Variants in MTRR observed in about 807,000 individuals in gnomAD.
The protein encoded by MTRR is 5-methyltetrahydrofolate-homocysteine methyltransferase reductase.
In MTRR, 63 loss-of-function variants were observed where a neutral mutation model predicts 79.2. That is an observed-to-expected ratio of 0.80 (90% CI 0.65 to 0.98). The LOEUF is 0.98. Ranked by LOEUF, MTRR falls within the 50% of genes least tolerant of loss-of-function variation. The probability of loss-of-function intolerance (pLI) is 0.00; values close to 1 mark genes in which losing one functional copy is unlikely to be tolerated. For missense variants in MTRR, 895 were observed against 839.6 expected, an observed-to-expected ratio of 1.07 and a Z score of -0.82; for synonymous variants, 355 against 313.3, an observed-to-expected ratio of 1.13 and a Z score of -1.41.
At chr5:7,890,276 G>A (rs1020065820) in intron 9 of MTRR, 2 of 985,104 alleles carry the variant, frequency 2.0e-6, no homozygotes, top group Non-Finnish European at 2.4e-6. Context: ...TTTCCACTTA[G>A]GACCTCCCCA....
chr5:7,887,537 A>AATATATGTATATTTATATATATATAGAT (rs1736688053), intron 8 of MTRR, among the ~76,000 whole-genome samples: 12 of 143,654 alleles, frequency 8.4e-5, no homozygotes, highest in African/African-American at 3.0e-4. Flanking sequence ...TCTCTAAATA[A>AATATATGTATATTTATATATATATAGAT]ATATATGTAT....
intron 5 of MTRR, 94 bp downstream of exon 5, chr5:7,878,416 C>T: frequency 6.6e-7 from 1 of 1,508,658 alleles, no homozygotes; most frequent in South Asian, 1.1e-5. Flanking sequence ...GAGAGGTCAA[C>T]AAACTATGGC....
chr5:7,895,699 C>T lies in MTRR; in HGVS notation c.1558-35C>T, dbSNP rs774468515. ...GATTATATACTCTTGCCTAGGTTTT[C>T]TTTCATACTTACCACATTTGATGTA... On this transcript the variant is annotated intron_variant, in intron 11 of 14. Coordinates refer to ENST00000440940, the MANE Select transcript of MTRR (RefSeq NM_002454.3). The T allele has an allele frequency of 3.1e-6, 5 of 1,612,822 alleles. No individual in the cohort carries two copies. In the Admixed American group the frequency reaches 5.0e-5, roughly 16 times the overall value.
At chr5:7,890,531 T>A in intron 9 of MTRR, 1 of 440,698 alleles carries the variant, frequency 2.3e-6, no homozygotes, top group Non-Finnish European at 3.0e-6. Flanking sequence ...AATACCACAT[T>A]ACGTAGTTAT....
At chr5:7,869,378 C>CTTGGCCT (rs931755132) in intron 1 of MTRR, 163 bp downstream of exon 1, 111 of 746,396 alleles carry the variant, frequency 1.5e-4, no homozygotes, top group Non-Finnish European at 1.9e-4. Flanking sequence ...GGGGCTCGGA[C>CTTGGCCT]TTGGCCTTTG....
Position 7,889,214 on chromosome 5 carries a change from C to T in MTRR, c.1266C>T (p.Ala422=), listed in dbSNP as rs981600908. 21 of 1,613,570 alleles carry T rather than the reference C, an allele frequency of 1.3e-5. No homozygotes were observed. The highest frequency in any genetic ancestry group is 1.7e-5 in the Non-Finnish European group (20 of 1,180,044). ...GCCGCTTTGTACGAGATGCCTGTGC[C>T]TGCTTGTTGGATCTCCTCCTCGCTT... is the stretch of plus-strand genomic sequence containing the variant. ...DYSRFVRDAC[A]CLLDLLLAFP... Residue 422 remains alanine (A), a synonymous_variant, in exon 9 of 15, where the codon GCC becomes GCT. Transcript: ENST00000440940.
chr5:7,880,626 A>G (rs966058420), intron 5 of MTRR, among the ~76,000 whole-genome samples: 7 of 152,110 alleles, frequency 4.6e-5, no homozygotes, highest in African/African-American at 1.4e-4. Flanking sequence ...TCAGGATGCT[A>G]TTTTGTTTCT....
chr5:7,869,232 C>G lies in MTRR; in HGVS notation c.-26+17C>G. The G allele has an allele frequency of 6.2e-7, 1 of 1,603,310 alleles. No homozygotes were observed. Among genetic ancestry groups the G allele is most frequent in the South Asian group, 1.1e-5 (1 of 91,062 alleles). Reference sequence around the variant, plus strand: ...GCGGCGTGGGTAAGCTGCCTGTCGGCTACGGTTCCCGGATTCCGGCCGCTC... The same window carrying G: ...GCGGCGTGGGTAAGCTGCCTGTCGGGTACGGTTCCCGGATTCCGGCCGCTC... On this transcript the variant is annotated intron_variant, in intron 1 of 14. Transcript: ENST00000440940.
At chr5:7,883,674 A>G (rs1182053419) in intron 6 of MTRR, among the ~76,000 whole-genome samples, 1 of 152,164 alleles carries the variant, frequency 6.6e-6, no homozygotes, top group Non-Finnish European at 1.5e-5. Flanking sequence ...TTCCTGACCC[A>G]TCATTTTTTT....
intron 1 of MTRR, among the ~76,000 whole-genome samples, chr5:7,857,620 GTC>G (rs758235247): frequency 1.3e-5 from 2 of 152,178 alleles, no homozygotes; most frequent in Non-Finnish European, 2.9e-5. Context: ...TGGGCATGAG[GTC>G]TCTGTGTTCC....
chr5:7,861,847 C>G lies in MTRR; in HGVS notation n.392-104C>G, dbSNP rs1310684008. The G allele has an allele frequency of 8.3e-6, 10 of 1,210,566 alleles. No homozygotes were observed. The African/African-American group carries it at 1.6e-4, about 19-fold the overall frequency. The allele number at this position is 1,210,566 out of a possible 1,614,324, so 75.0% of individuals were successfully genotyped here. A position where few individuals can be genotyped will look rare whatever the true frequency, so the allele number is the denominator to read the frequency against. ...TTGGCTTTATGATCAATCAAGTCAG[C>G]CTTAAATTAAGAAAGCTCAATAACG... On this transcript the variant is annotated intron_variant and non_coding_transcript_variant, in intron 1 of 3. Coordinates refer to the MTRR transcript ENST00000502509.
intron 1 of MTRR, among the ~76,000 whole-genome samples, chr5:7,857,870 G>T (rs985133968): frequency 6.6e-6 from 1 of 151,536 alleles, no homozygotes; most frequent in Non-Finnish European, 1.5e-5. Flanking sequence ...ACTGCAGAAG[G>T]AGGAGCATCT....
chr5:7,869,028 T>C (rs758880942), upstream of MTRR: 19 of 1,357,590 alleles, frequency 1.4e-5, no homozygotes, highest in African/African-American at 8.6e-5. Context: ...CGCCTGGGCG[T>C]CGTGGGCCTC....
chr5:7,862,695 T>C, intron 2 of MTRR: 1 of 770,140 alleles, frequency 1.3e-6, no homozygotes, highest in South Asian at 1.8e-5. Flanking sequence ...AACCCCAACT[T>C]GCCTTCAGGG....
At chr5:7,893,041 A>C in intron 11 of MTRR, 128 bp downstream of exon 11, 1 of 1,129,892 alleles carries the variant, frequency 8.9e-7, no homozygotes, top group Non-Finnish European at 1.3e-6. Context: ...CTTGAATTTT[A>C]AAATCTCTAT....
At chr5:7,850,926 C>T (rs750933526), upstream of MTRR, 13 of 1,358,378 alleles carry the variant, frequency 9.6e-6, no homozygotes, top group Non-Finnish European at 1.2e-5. Context: ...GGCGCCGCGG[C>T]GGGATGTAGC....
chr5:7,887,421 G>A (rs927168870), intron 8 of MTRR, among the ~76,000 whole-genome samples: 3 of 151,858 alleles, frequency 2.0e-5, no homozygotes, highest in Non-Finnish European at 4.4e-5. Context: ...AAAGAGTGTT[G>A]TAATTAGGCC....
chr5:7,898,304 A>T (rs993899235), intron 14 of MTRR, among the ~76,000 whole-genome samples: 1 of 152,204 alleles, frequency 6.6e-6, no homozygotes, highest in African/African-American at 2.4e-5. Context: ...ATGCACCTCT[A>T]AATAGTAGAG....
chr5:7,858,232 G>T (rs796284766), intron 1 of MTRR, among the ~76,000 whole-genome samples: 29 of 152,294 alleles, frequency 1.9e-4, no homozygotes, highest in African/African-American at 6.7e-4. Context: ...GGTGTGAAAG[G>T]GGTTTCTGAG....
Sources: allele counts gnomAD v4.1 joint callset (sites outside exome capture counted in the v4.1 genomes callset), GRCh38; gene constraint gnomAD v4.1.1; transcripts MANE v1.5; gene names NCBI Gene and HGNC (gene_info 2026-07-23, HGNC 2026-07-21).